SCHIP1: variants seen among roughly 807,000 people sequenced by gnomAD.
SCHIP1 encodes schwannomin interacting protein 1, also known as schwannomin-interacting protein 1.
A neutral mutation model predicts 29.7 loss-of-function variants in SCHIP1; 8 were observed. The observed-to-expected ratio is 0.27, with a 90% CI of 0.16 to 0.49. The LOEUF is 0.49. Among genes scored for constraint, SCHIP1 ranks in the 20% least tolerant of loss-of-function variants. The pLI, the probability that SCHIP1 is intolerant of heterozygous loss-of-function variation, is 0.99. For synonymous variants in SCHIP1, 76 were observed against 94.9 expected (o/e 0.80, Z 1.16); for missense variants, 193 against 294.6 (o/e 0.66, Z 2.52).
At chr3:159,662,404 A>T in the SCHIP1 span, among the ~76,000 whole-genome samples, 1 of 152,190 alleles carries the variant, frequency 6.6e-6, no homozygotes, top group African/African-American at 2.4e-5. Context: ...AGCACTGAGG[A>T]ATGAGCATTT....
At chr3:159,402,943 T>C in the SCHIP1 span, among the ~76,000 whole-genome samples, 61 of 151,450 alleles carry the variant, frequency 4.0e-4, no homozygotes, top group African/African-American at 1.4e-3. Context: ...ATAATAATAA[T>C]AAAAGAAAAA....
chr3:159,496,447 T>C, the SCHIP1 span, among the ~76,000 whole-genome samples: 2 of 152,170 alleles, frequency 1.3e-5, no homozygotes, highest in African/African-American at 4.8e-5. Context: ...AAGCGAAGGA[T>C]ATGAACATAC....
At chr3:159,486,640 T>C in the SCHIP1 span, among the ~76,000 whole-genome samples, 17 of 152,248 alleles carry the variant, frequency 1.1e-4, no homozygotes, top group African/African-American at 4.1e-4. Flanking sequence ...TCATTTGTGA[T>C]ATGTTTCTGC....
the SCHIP1 span, among the ~76,000 whole-genome samples, chr3:159,375,225 G>A: frequency 6.6e-6 from 1 of 152,166 alleles, no homozygotes; most frequent in East Asian, 1.9e-4. Flanking sequence ...TGACCATCAA[G>A]TAAACATGAG....
At chr3:159,594,868 T>C in the SCHIP1 span, among the ~76,000 whole-genome samples, 1 of 152,314 alleles carries the variant, frequency 6.6e-6, no homozygotes, top group Admixed American at 6.5e-5. Flanking sequence ...TAATTGACTA[T>C]TGTTTTGTTG....
At chr3:159,356,804 A>G in the SCHIP1 span, among the ~76,000 whole-genome samples, 1 of 152,206 alleles carries the variant, frequency 6.6e-6, no homozygotes, top group Non-Finnish European at 1.5e-5. Context: ...ACATGGAGGC[A>G]GACAGATAGA....
chr3:159,316,804 A>C, the SCHIP1 span, among the ~76,000 whole-genome samples: 1 of 152,232 alleles, frequency 6.6e-6, no homozygotes, highest in African/African-American at 2.4e-5. Context: ...ATGATAAAAG[A>C]AAAGGAAATG....
chr3:159,315,736 A>G, the SCHIP1 span, among the ~76,000 whole-genome samples: 1 of 152,184 alleles, frequency 6.6e-6, no homozygotes, highest in Non-Finnish European at 1.5e-5. Context: ...ATGTTGTTCT[A>G]TAAATAAGCT....
the SCHIP1 span, among the ~76,000 whole-genome samples, chr3:159,411,935 G>A: frequency 6.6e-6 from 1 of 152,108 alleles, no homozygotes; most frequent in Non-Finnish European, 1.5e-5. Context: ...TGAAAGAGAA[G>A]AGCAAAATCA....
Position 159,896,722 on chromosome 3 carries a change from GACATGCTGAAAGTCAGCAGAAGC to G in SCHIP1, c.689_711del (p.Ala230GlyfsTer48). ...AAATAATTGTATTAATTGTTTTACAGACATGCTGAAAGTCAGCAGAAGCACATGGCAGAGAAAATGCCTGCAAA... is the reference window on the plus strand; with the variant it reads ...AAATAATTGTATTAATTGTTTTACAGACATGGCAGAGAAAATGCCTGCAAA... On this transcript the variant is annotated frameshift_variant and splice_region_variant, in exon 7 of 7. Coordinates refer to ENST00000445224, the Ensembl canonical transcript of SCHIP1. LOFTEE classifies it high-confidence loss of function. 1.2e-6 allele frequency: 2 copies of G among 1,602,206 alleles called. No individual in the cohort carries two copies. Among genetic ancestry groups the G allele is most frequent in the Non-Finnish European group, 1.7e-6 (2 of 1,175,804 alleles).
At chr3:159,366,974 C>T in the SCHIP1 span, among the ~76,000 whole-genome samples, 1 of 152,066 alleles carries the variant, frequency 6.6e-6, no homozygotes, top group African/African-American at 2.4e-5. Context: ...ACAAACAGCC[C>T]TCCTAAAAAT....
At chr3:159,580,147 A>C in the SCHIP1 span, among the ~76,000 whole-genome samples, 7 of 152,138 alleles carry the variant, frequency 4.6e-5, no homozygotes, top group African/African-American at 1.4e-4. Flanking sequence ...AAATTTCCAT[A>C]TTTATAAATT....
chr3:159,413,938 T>C, the SCHIP1 span, among the ~76,000 whole-genome samples: 108 of 152,290 alleles, frequency 7.1e-4, no homozygotes, highest in Middle Eastern at 6.8e-3. Context: ...GCAAGAAGTG[T>C]AGTTATGCAA....
chr3:159,541,699 TCC>T, the SCHIP1 span, among the ~76,000 whole-genome samples: 1 of 152,076 alleles, frequency 6.6e-6, no homozygotes, highest in African/African-American at 2.4e-5. Flanking sequence ...AAGTCTGCAT[TCC>T]TGTTTTGTAG....
the SCHIP1 span, among the ~76,000 whole-genome samples, chr3:159,453,159 G>A: frequency 1.3e-5 from 2 of 152,148 alleles, no homozygotes; most frequent in African/African-American, 2.4e-5. Flanking sequence ...CAGGTACAAC[G>A]GCAGCCACAG....
chr3:159,658,871 T>G, the SCHIP1 span, among the ~76,000 whole-genome samples: 3,876 of 152,276 alleles, frequency 0.025, 69 homozygotes, highest in Middle Eastern at 0.1. Context: ...AATAATTCCA[T>G]TTTAGTTATA....
the SCHIP1 span, among the ~76,000 whole-genome samples, chr3:159,381,593 T>G: frequency 3.3e-5 from 5 of 151,658 alleles, no homozygotes; most frequent in African/African-American, 1.2e-4. Flanking sequence ...ATTTCTCACC[T>G]GGATTTCTTT....
At chr3:159,399,948 G>T in the SCHIP1 span, among the ~76,000 whole-genome samples, 3 of 152,198 alleles carry the variant, frequency 2.0e-5, no homozygotes, top group Non-Finnish European at 4.4e-5. Context: ...GAAGTGCTGA[G>T]ATTACAGGCT....
the SCHIP1 span, among the ~76,000 whole-genome samples, chr3:159,297,828 G>A: frequency 1.3e-5 from 2 of 152,116 alleles, no homozygotes; most frequent in African/African-American, 2.4e-5. Context: ...CACTCCATCA[G>A]GTCTTTGCTC....
Sources: gnomAD v4.1 joint callset for allele counts (sites outside exome capture counted in the v4.1 genomes callset) on GRCh38, gnomAD v4.1.1 for gene constraint, MANE v1.5 for transcripts, NCBI Gene and HGNC (gene_info 2026-07-23, HGNC 2026-07-21) for gene names.